Variants in ROR1 observed in about 807,000 individuals in gnomAD.
ROR1 encodes inactive tyrosine-protein kinase transmembrane receptor ROR1.
A neutral mutation model predicts 78.8 loss-of-function variants in ROR1; 19 were observed. The ratio of observed to expected loss-of-function variants is 0.24; its 90% CI spans 0.17 to 0.35. The LOEUF (loss-of-function observed/expected upper bound fraction) is 0.35, where lower values mean the gene tolerates loss of function less well. Among genes scored for constraint, ROR1 ranks in the 10% least tolerant of loss-of-function variants. The probability of loss-of-function intolerance (pLI) is 1.00; values close to 1 mark genes in which losing one functional copy is unlikely to be tolerated. For missense variants in ROR1, 917 were observed against 1,177.8 expected (o/e 0.78, Z 3.24); for synonymous variants, 386 against 433.6 (o/e 0.89, Z 1.36).
chr1:63,908,863 A>G (rs1645547733), intron 1 of ROR1, among the ~76,000 whole-genome samples: 1 of 152,182 alleles, frequency 6.6e-6, no homozygotes, highest in African/African-American at 2.4e-5. Context: ...TTCTCCCACC[A>G]TGCCAGGACT....
chr1:63,911,844 A>T lies in ROR1; in HGVS notation c.92-97461A>T, dbSNP rs1002220256. Among the ~76,000 whole-genome samples, 4 of 152,278 alleles carry T rather than the reference A, an allele frequency of 2.6e-5. No homozygotes were observed. The South Asian group carries it at 8.3e-4, about 32-fold the overall frequency. The stretch of plus-strand genomic sequence containing the variant: ...AGAGATATGCTGAGGGGCATGGGGA[A>T]GGAATTCCTTCCTTCTCAAGCTGTA... On this transcript the variant is annotated intron_variant, in intron 1 of 8. Coordinates refer to ENST00000371079, the MANE Select transcript of ROR1 (RefSeq NM_005012.4).
chr1:64,007,541 GC>G (rs1413062497), intron 1 of ROR1, among the ~76,000 whole-genome samples: 5 of 152,140 alleles, frequency 3.3e-5, no homozygotes, highest in African/African-American at 1.2e-4. Context: ...AGTTTTAACA[GC>G]CCGTAAGTAC....
rs1647203295 is a variant in ROR1 at position 64,092,107 on chromosome 1, CCCTCCCTCCCTCCCTT to C, written c.482+41399_482+41414del. Among the ~76,000 whole-genome samples, 3 of 136,560 alleles carry C rather than the reference CCCTCCCTCCCTCCCTT, an allele frequency of 2.2e-5. No homozygotes were observed. In the South Asian group the frequency reaches 7.9e-4, roughly 36 times the overall value. The allele number at this position is 136,560 out of a possible 152,430, so 89.6% of individuals were successfully genotyped here. ...AGATGTAATTCTTCCCTCCCTCCCT[CCCTCCCTCCCTCCCTT>C]CCTCCCTGCATGCCTCCCTACCTCC... On this transcript the variant is annotated intron_variant, in intron 4 of 8. Transcript: ENST00000371079.
Position 64,159,182 on chromosome 1 carries a change from A to G in ROR1, c.1376A>G (p.Tyr459Cys), listed in dbSNP as rs1472818505. 2.5e-6 allele frequency: 4 copies of G among 1,613,204 alleles called. No individual in the cohort carries two copies. Among genetic ancestry groups the G allele is most frequent in the Non-Finnish European group, 3.4e-6 (4 of 1,179,244 alleles). ...GTAGAGATGTCAATGCTGAATGCATATAAACCCAAGGTAATGTTAGCAGTA... is the reference window on the plus strand; with the variant it reads ...GTAGAGATGTCAATGCTGAATGCATGTAAACCCAAGGTAATGTTAGCAGTA... ...QNVEMSMLNA[Y>C]KPKSKAKELP... Residue 459 changes from tyrosine (Y) to cysteine (C), a missense_variant, in exon 8 of 9, where the codon TAT (tyrosine) becomes TGT (cysteine). Tyr to Cys is a radical substitution (Grantham distance 194). Coordinates refer to ENST00000371079, the MANE Select transcript of ROR1 (RefSeq NM_005012.4).
At chr1:63,816,978 A>G (rs998543741) in intron 1 of ROR1, among the ~76,000 whole-genome samples, 3 of 152,250 alleles carry the variant, frequency 2.0e-5, no homozygotes, top group African/African-American at 7.2e-5. Flanking sequence ...CAGAGGGGAA[A>G]GATAGGCATC....
intron 4 of ROR1, among the ~76,000 whole-genome samples, chr1:64,059,956 G>A (rs72685132): frequency 0.1 from 15,209 of 150,824 alleles, 879 homozygotes; most frequent in African/African-American, 0.14. Context: ...AAATGAGAAC[G>A]GCAAATTAAA....
intron 4 of ROR1, among the ~76,000 whole-genome samples, chr1:64,064,300 A>G (rs72685134): frequency 0.16 from 23,945 of 152,178 alleles, 2,812 homozygotes; most frequent in African/African-American, 0.33. Flanking sequence ...TTCTGTGGGC[A>G]CTGGAGTCAT....
At chr1:63,813,446 G>A (rs1420284847) in intron 1 of ROR1, among the ~76,000 whole-genome samples, 1 of 152,114 alleles carries the variant, frequency 6.6e-6, no homozygotes, top group African/African-American at 2.4e-5. Context: ...CACACATATT[G>A]CCTTCCAGTA....
At chr1:64,126,721 C>G (rs1648725335) in intron 4 of ROR1, among the ~76,000 whole-genome samples, 1 of 152,134 alleles carries the variant, frequency 6.6e-6, no homozygotes, top group South Asian at 2.1e-4. Context: ...TCAGCAATGC[C>G]AAGTTCAGTC....
chr1:63,803,059 A>G (rs920343631), intron 1 of ROR1, among the ~76,000 whole-genome samples: 1 of 152,224 alleles, frequency 6.6e-6, no homozygotes, highest in African/African-American at 2.4e-5. Context: ...TTTACAGCAC[A>G]GCTTATCTCA....
At chr1:63,843,074 C>T (rs1645058605) in intron 1 of ROR1, 2 of 516,062 alleles carry the variant, frequency 3.9e-6, no homozygotes, top group East Asian at 3.6e-5. Flanking sequence ...GAAGGGATTG[C>T]CCTCCCCCTG....
chr1:64,112,388 A>G (rs1557657968), intron 4 of ROR1, among the ~76,000 whole-genome samples: 1 of 152,132 alleles, frequency 6.6e-6, no homozygotes, highest in African/African-American at 2.4e-5. Context: ...TAACTTGTCC[A>G]AGTCACATAG....
At chr1:63,821,411 C>T (rs1045418202) in intron 1 of ROR1, among the ~76,000 whole-genome samples, 6 of 152,176 alleles carry the variant, frequency 3.9e-5, no homozygotes, top group Admixed American at 1.3e-4. Flanking sequence ...TGGTTGATAG[C>T]ATTTGGTATC....
intron 1 of ROR1, among the ~76,000 whole-genome samples, chr1:63,790,580 C>T (rs1166761051): frequency 6.6e-6 from 1 of 152,198 alleles, no homozygotes; most frequent in Non-Finnish European, 1.5e-5. Context: ...TCAGATTCTC[C>T]CTTACAATCC....
rs969934080 is a variant in ROR1, at chr1:63,785,829, G to A, written c.91+11321G>A. 9.9e-5 allele frequency among the ~76,000 whole-genome samples: 15 copies of A among 151,982 alleles called. 1 individual carries two copies. Among genetic ancestry groups the A allele is most frequent in the Admixed American group, 7.2e-4 (11 of 15,248 alleles). On this transcript the variant is annotated intron_variant, in intron 1 of 8. Coordinates refer to ENST00000371079, the MANE Select transcript of ROR1 (RefSeq NM_005012.4). Reference sequence around the variant, plus strand: ...GCGTAAGCCACCGCGCCCGGCCTACGCAGCAACAATTTTCGATGATGTTCT... The same window carrying A: ...GCGTAAGCCACCGCGCCCGGCCTACACAGCAACAATTTTCGATGATGTTCT...
chr1:63,987,661 C>T (rs549904819), intron 1 of ROR1, among the ~76,000 whole-genome samples: 14 of 152,272 alleles, frequency 9.2e-5, no homozygotes, highest in South Asian at 6.2e-4. Context: ...GAAGTTTTAA[C>T]GAGAACAACA....
intron 4 of ROR1, among the ~76,000 whole-genome samples, chr1:64,117,754 C>T (rs1648362683): frequency 6.6e-6 from 1 of 152,228 alleles, no homozygotes; most frequent in East Asian, 1.9e-4. Flanking sequence ...CAGTGCCTGC[C>T]TTCCTCCAGC....
intron 1 of ROR1, among the ~76,000 whole-genome samples, chr1:63,839,727 T>C (rs1645038475): frequency 1.3e-5 from 2 of 152,162 alleles, no homozygotes; most frequent in African/African-American, 4.8e-5. Context: ...CTTGTCTATG[T>C]TATTTTGTAG....
chr1:63,890,921 A>C (rs855837), intron 1 of ROR1, among the ~76,000 whole-genome samples: 140,297 of 152,202 alleles, frequency 0.92, 64,729 homozygotes, highest in East Asian at 1. Context: ...ATCATTTATC[A>C]CCCAAAATAT....
Sources: allele counts gnomAD v4.1 joint callset (sites outside exome capture counted in the v4.1 genomes callset), GRCh38; gene constraint gnomAD v4.1.1; transcripts MANE v1.5; gene names NCBI Gene and HGNC (gene_info 2026-07-23, HGNC 2026-07-21).